SSBP2: variants seen among roughly 807,000 people sequenced by gnomAD.
SSBP2 encodes single stranded DNA binding protein 2, also known as single-stranded DNA-binding protein 2.
A neutral mutation model predicts 61.8 loss-of-function variants in SSBP2; 17 were observed. The observed-to-expected ratio is 0.28, with a 90% confidence interval of 0.19 to 0.41. SSBP2 has a LOEUF of 0.41. Ranked by LOEUF, SSBP2 falls within the 10% of genes least tolerant of loss-of-function variation. The probability of loss-of-function intolerance (pLI) is 1.00; values close to 1 mark genes in which losing one functional copy is unlikely to be tolerated. For synonymous variants in SSBP2, 139 were observed against 141.3 expected, an observed-to-expected ratio of 0.98 and a Z score of 0.12; for missense variants, 310 against 458.7, an observed-to-expected ratio of 0.68 and a Z score of 2.96.
At chr5:81,706,083 G>A (rs552854880) in intron 1 of SSBP2, among the ~76,000 whole-genome samples, 129 of 152,170 alleles carry the variant, frequency 8.5e-4, no homozygotes, top group African/African-American at 3.1e-3. Context: ...GCAAAGACAT[G>A]GAATCAATCT....
At chr5:81,686,841 C>A (rs1315853064) in intron 1 of SSBP2, among the ~76,000 whole-genome samples, 3 of 117,952 alleles carry the variant, frequency 2.5e-5, no homozygotes, top group Admixed American at 1.2e-4. Flanking sequence ...GGCAACAGAG[C>A]GAGACTTCAT....
At chr5:81,618,246 G>C (rs1451555923) in intron 3 of SSBP2, among the ~76,000 whole-genome samples, 1 of 91,334 alleles carries the variant, frequency 1.1e-5, no homozygotes, top group African/African-American at 3.6e-5. Flanking sequence ...CAAAATAAAA[G>C]GATGGAGGAA....
At chr5:81,707,464 G>A (rs150346178) in intron 1 of SSBP2, among the ~76,000 whole-genome samples, 3 of 151,988 alleles carry the variant, frequency 2.0e-5, no homozygotes, top group African/African-American at 7.3e-5. Context: ...AGAGACACAG[G>A]GTGAGGTTGG....
chr5:81,459,920 A>G (rs1764423618), intron 10 of SSBP2, among the ~76,000 whole-genome samples: 1 of 152,226 alleles, frequency 6.6e-6, no homozygotes, highest in Non-Finnish European at 1.5e-5. Flanking sequence ...TAAATAACAC[A>G]CTGAAGACTC....
At chr5:81,485,938 G>A (rs1167709754) in intron 6 of SSBP2, among the ~76,000 whole-genome samples, 2 of 152,022 alleles carry the variant, frequency 1.3e-5, no homozygotes, top group Non-Finnish European at 2.9e-5. Context: ...CTCCTAACTA[G>A]GTTAAACATT....
chr5:81,527,202 T>G (rs1770009348), intron 4 of SSBP2, among the ~76,000 whole-genome samples: 1 of 151,978 alleles, frequency 6.6e-6, no homozygotes, highest in Non-Finnish European at 1.5e-5. Flanking sequence ...ACATGATTAT[T>G]AGATGTAATA....
At chr5:81,726,576 T>C (rs901838962) in intron 1 of SSBP2, among the ~76,000 whole-genome samples, 6 of 152,114 alleles carry the variant, frequency 3.9e-5, no homozygotes, top group African/African-American at 1.4e-4. Context: ...TGTTATTGTA[T>C]CCCACAATGA....
At chr5:81,590,141 T>C (rs1227287592) in intron 4 of SSBP2, among the ~76,000 whole-genome samples, 1 of 152,082 alleles carries the variant, frequency 6.6e-6, no homozygotes, top group East Asian at 1.9e-4. Flanking sequence ...CTTAGAGATG[T>C]CTGAAGTGGG....
At chr5:81,611,207 C>A (rs1211025027) in intron 4 of SSBP2, among the ~76,000 whole-genome samples, 1 of 152,154 alleles carries the variant, frequency 6.6e-6, no homozygotes, top group African/African-American at 2.4e-5. Context: ...TGTCAACCCC[C>A]ATCAAAAACA....
chr5:81,467,054 C>G lies in SSBP2; in HGVS notation c.571-13G>C, dbSNP rs1313413271. The G allele has an allele frequency of 6.2e-7, 1 of 1,605,882 alleles. No individual in the cohort carries two copies. Among genetic ancestry groups the G allele is most frequent in the Admixed American group, 1.7e-5 (1 of 59,622 alleles). On this transcript the variant is annotated splice_polypyrimidine_tract_variant and intron_variant, in intron 8 of 16. Coordinates refer to ENST00000320672, the MANE Select transcript of SSBP2 (RefSeq NM_012446.5). Reference sequence around the variant, plus strand: ...CACCTCCATAGTTCTGTAATGATAACCAAGGGTCAGACTACCACAAAACAA... The same window carrying G: ...CACCTCCATAGTTCTGTAATGATAAGCAAGGGTCAGACTACCACAAAACAA...
intron 5 of SSBP2, among the ~76,000 whole-genome samples, chr5:81,498,178 AT>A (rs1268313165): frequency 6.6e-6 from 1 of 152,126 alleles, no homozygotes. Flanking sequence ...TTAATATCAT[AT>A]TGTCTTTAGC....
chr5:81,638,548 C>T (rs1438580418), intron 2 of SSBP2, among the ~76,000 whole-genome samples: 2 of 150,528 alleles, frequency 1.3e-5, no homozygotes, highest in Admixed American at 6.6e-5. Context: ...GAGTAACTGA[C>T]ATGCAGTAAG....
At chr5:81,720,772 T>G (rs192795816) in intron 1 of SSBP2, among the ~76,000 whole-genome samples, 3 of 152,204 alleles carry the variant, frequency 2.0e-5, no homozygotes, top group African/African-American at 4.8e-5. Flanking sequence ...TACGGAACAG[T>G]AGATATTTAA....
chr5:81,668,685 A>G (rs1304533800), intron 1 of SSBP2, among the ~76,000 whole-genome samples: 3 of 152,156 alleles, frequency 2.0e-5, no homozygotes, highest in African/African-American at 7.2e-5. Context: ...TAAAGCATAA[A>G]GTTTACTAAA....
intron 6 of SSBP2, among the ~76,000 whole-genome samples, chr5:81,485,748 C>A (rs529628948): frequency 2.8e-4 from 43 of 152,206 alleles, no homozygotes; most frequent in African/African-American, 9.9e-4. Flanking sequence ...TGGGCTCAGG[C>A]GATTCTCCTG....
intron 2 of SSBP2, among the ~76,000 whole-genome samples, chr5:81,648,138 C>G (rs1225986840): frequency 6.6e-6 from 1 of 152,000 alleles, no homozygotes; most frequent in Non-Finnish European, 1.5e-5. Flanking sequence ...CCAGAGTGCA[C>G]TATAGATTCC....
rs184326292 is a variant in SSBP2 at position 81,698,296 on chromosome 5, G to C, written c.63-47957C>G. Among the ~76,000 whole-genome samples the C allele has an allele frequency of 1.1e-4, 17 of 152,226 alleles. No individual in the cohort carries two copies. The East Asian group carries it at 2.5e-3, about 22-fold the overall frequency. The stretch of plus-strand genomic sequence containing the variant: ...CCTAATGTAGATTGTGATGCTATGT[G>C]TACTACAAGGATTTAATAAATCATT... On this transcript the variant is annotated intron_variant, in intron 1 of 16. Transcript: ENST00000320672.
chr5:81,746,365 A>C (rs1757347785), intron 1 of SSBP2, among the ~76,000 whole-genome samples: 1 of 152,130 alleles, frequency 6.6e-6, no homozygotes, highest in Non-Finnish European at 1.5e-5. Flanking sequence ...ACAAAATTTC[A>C]CTTCCATAAG....
At chr5:81,489,598 G>C (rs1766700949) in intron 5 of SSBP2, among the ~76,000 whole-genome samples, 1 of 152,038 alleles carries the variant, frequency 6.6e-6, no homozygotes, top group Non-Finnish European at 1.5e-5. Context: ...ATAATATCTA[G>C]TGGCAAAAAA....
Sources: allele counts gnomAD v4.1 joint callset (sites outside exome capture counted in the v4.1 genomes callset), GRCh38; gene constraint gnomAD v4.1.1; transcripts MANE v1.5; gene names NCBI Gene and HGNC (gene_info 2026-07-23, HGNC 2026-07-21).